TAFA2: variants seen among roughly 807,000 people sequenced by gnomAD.
The protein encoded by TAFA2 is TAFA chemokine like family member 2.
TAFA2 carries 7 observed loss-of-function variants against 18.8 expected under a neutral mutation model. That is an observed-to-expected ratio of 0.37 (90% CI 0.21 to 0.70). TAFA2 has a LOEUF of 0.70. TAFA2 is among the 30% of genes least tolerant of loss of function. TAFA2 has a pLI of 0.53. For missense variants in TAFA2, 122 were observed against 158.1 expected (o/e 0.77, Z 1.23); for synonymous variants, 60 against 54.2 (o/e 1.11, Z -0.47).
chr12:62,118,558 T>C (rs1308562151), intron 1 of TAFA2, among the ~76,000 whole-genome samples: 1 of 152,166 alleles, frequency 6.6e-6, no homozygotes, highest in African/African-American at 2.4e-5. Context: ...TTTTTTAAAA[T>C]GATTGCACCA....
intron 2 of TAFA2, among the ~76,000 whole-genome samples, chr12:61,846,276 T>C (rs1414303992): frequency 2.6e-5 from 4 of 152,176 alleles, no homozygotes; most frequent in African/African-American, 9.6e-5. Flanking sequence ...ATATTGTTGT[T>C]GTGACTGGAC....
At chr12:62,153,727 A>G (rs918406267) in intron 1 of TAFA2, among the ~76,000 whole-genome samples, 2 of 152,126 alleles carry the variant, frequency 1.3e-5, no homozygotes, top group African/African-American at 4.8e-5. Context: ...GTATAGTGGA[A>G]AAGAGTATAG....
At chr12:62,202,932 T>C (rs1323849294) in intron 1 of TAFA2, among the ~76,000 whole-genome samples, 2 of 146,664 alleles carry the variant, frequency 1.4e-5, no homozygotes, top group African/African-American at 5.0e-5. Flanking sequence ...GCTCAAGTAA[T>C]TCTCATACCT....
At chr12:61,713,872 A>G (rs1869526904) in intron 4 of TAFA2, among the ~76,000 whole-genome samples, 1 of 152,212 alleles carries the variant, frequency 6.6e-6, no homozygotes, top group Admixed American at 6.5e-5. Flanking sequence ...GATATGCAAG[A>G]TTTGCTTAAG....
chr12:62,208,517 C>T (rs2062701167), intron 1 of TAFA2, among the ~76,000 whole-genome samples: 1 of 151,992 alleles, frequency 6.6e-6, no homozygotes, highest in South Asian at 2.1e-4. Context: ...AGGCTGAGAT[C>T]TAAGGATTTC....
intron 1 of TAFA2, among the ~76,000 whole-genome samples, chr12:61,974,759 T>G (rs1270977905): frequency 6.6e-6 from 1 of 151,782 alleles, no homozygotes; most frequent in Non-Finnish European, 1.5e-5. Flanking sequence ...TCAATCAGTT[T>G]CCTTTGGTAG....
chr12:61,720,532 T>C (rs1306550806), intron 4 of TAFA2, among the ~76,000 whole-genome samples: 1 of 152,152 alleles, frequency 6.6e-6, no homozygotes, highest in Non-Finnish European at 1.5e-5. Context: ...ATCCAATGCC[T>C]TTCTTTACTG....
chr12:61,872,542 A>G (rs770058282), intron 1 of TAFA2, among the ~76,000 whole-genome samples: 1 of 152,124 alleles, frequency 6.6e-6, no homozygotes, highest in Non-Finnish European at 1.5e-5. Flanking sequence ...CCTTGCTTAA[A>G]ATCCCGGAAT....
chr12:61,941,534 T>C (rs1343439984), intron 1 of TAFA2, among the ~76,000 whole-genome samples: 5 of 152,210 alleles, frequency 3.3e-5, no homozygotes, highest in Non-Finnish European at 7.3e-5. Context: ...CATTTCCATC[T>C]GAGGTACCGG....
intron 1 of TAFA2, chr12:62,255,353 G>A (rs1302949073): frequency 6.6e-6 from 1 of 152,014 alleles, no homozygotes; most frequent in Non-Finnish European, 1.5e-5. Context: ...TATAAAGTAG[G>A]CAGATTTTTC....
At chr12:61,922,309 C>T (rs1877086732) in intron 1 of TAFA2, among the ~76,000 whole-genome samples, 1 of 152,152 alleles carries the variant, frequency 6.6e-6, no homozygotes, top group East Asian at 1.9e-4. Context: ...CAATGCTGGG[C>T]AAGATGGCTG....
intron 2 of TAFA2, among the ~76,000 whole-genome samples, chr12:61,793,216 T>G (rs1397365133): frequency 6.6e-6 from 1 of 151,240 alleles, no homozygotes; most frequent in African/African-American, 2.4e-5. Context: ...AAGGGGAAAA[T>G]TATACCTAAA....
At chr12:61,836,732 G>GATATATAT (rs3034054) in intron 2 of TAFA2, among the ~76,000 whole-genome samples, 3,064 of 112,682 alleles carry the variant, frequency 0.027, 118 homozygotes, top group East Asian at 0.13. Flanking sequence ...TTGCCAATTT[G>GATATATAT]ATATATATAT....
intron 2 of TAFA2, among the ~76,000 whole-genome samples, chr12:61,818,190 A>G (rs1872165732): frequency 1.3e-5 from 2 of 151,780 alleles, no homozygotes; most frequent in Admixed American, 6.6e-5. Flanking sequence ...TAAATCTTCA[A>G]CTCATTCTGT....
intron 1 of TAFA2, among the ~76,000 whole-genome samples, chr12:62,006,616 GAAATCATACTCAGATGGA>G (rs1565713301): frequency 1.3e-5 from 2 of 152,282 alleles, no homozygotes; most frequent in East Asian, 3.9e-4. Flanking sequence ...AGAGAAAAGG[GAAATCATACTCAGATGGA>G]TGGAGCCACC....
At chr12:62,106,363 CA>C (rs769439710) in intron 1 of TAFA2, among the ~76,000 whole-genome samples, 1 of 151,090 alleles carries the variant, frequency 6.6e-6, no homozygotes, top group Non-Finnish European at 1.5e-5. Flanking sequence ...AAAACAAAAA[CA>C]AAAAAACAAA....
At chr12:61,955,633 ATATATATATATATATATATAT>A (rs1251302561) in intron 1 of TAFA2, among the ~76,000 whole-genome samples, 2 of 8,778 alleles carry the variant, frequency 2.3e-4, no homozygotes, top group Non-Finnish European at 4.4e-4. Context: ...AAAAAAAAAA[ATATATATATATATATATATAT>A]ATATATATAT....
intron 2 of TAFA2, among the ~76,000 whole-genome samples, chr12:61,759,729 C>A (rs919985590): frequency 4.6e-5 from 7 of 151,968 alleles, no homozygotes; most frequent in South Asian, 2.1e-4. Flanking sequence ...CATGATATCC[C>A]AAAGCCCAAG....
intron 1 of TAFA2, among the ~76,000 whole-genome samples, chr12:62,055,567 G>GA (rs1457043811): frequency 6.6e-6 from 1 of 151,834 alleles, no homozygotes; most frequent in African/African-American, 2.4e-5. Flanking sequence ...TAGAAAGATT[G>GA]AAAAAAACAG....
Sources: allele counts gnomAD v4.1 joint callset (sites outside exome capture counted in the v4.1 genomes callset), GRCh38; gene constraint gnomAD v4.1.1; transcripts MANE v1.5; gene names NCBI Gene and HGNC (gene_info 2026-07-23, HGNC 2026-07-21).